GRM8: variants seen among roughly 807,000 people sequenced by gnomAD.
GRM8 encodes glutamate metabotropic receptor 8.
In GRM8, 47 loss-of-function variants were observed where a neutral mutation model predicts 87.2. The ratio of observed to expected loss-of-function variants is 0.54; its 90% CI spans 0.43 to 0.69. GRM8 has a LOEUF of 0.69. Ranked by LOEUF, GRM8 falls within the 30% of genes least tolerant of loss-of-function variation. The pLI is 0.00. For missense variants in GRM8, 1,019 were observed against 1,139.2 expected, an observed-to-expected ratio of 0.89 and a Z score of 1.52; for synonymous variants, 396 against 404.5, an observed-to-expected ratio of 0.98 and a Z score of 0.25.
At chr7:126,934,674 G>A (rs939285575) in intron 3 of GRM8, among the ~76,000 whole-genome samples, 3 of 152,122 alleles carry the variant, frequency 2.0e-5, no homozygotes, top group African/African-American at 7.2e-5. Context: ...ATCTAAAGGA[G>A]GTAGTCTTTT....
chr7:127,028,149 T>A (rs993898674), intron 3 of GRM8, among the ~76,000 whole-genome samples: 8 of 152,234 alleles, frequency 5.3e-5, no homozygotes, highest in African/African-American at 1.9e-4. Context: ...TTTTGAATGT[T>A]GAACCAGCCT....
intron 7 of GRM8, among the ~76,000 whole-genome samples, chr7:126,745,644 T>C (rs1815573258): frequency 6.6e-6 from 1 of 151,728 alleles, no homozygotes; most frequent in Admixed American, 6.6e-5. Flanking sequence ...GTGAATAGTT[T>C]GTCTTTTTCT....
chr7:126,725,339 T>G (rs945173921), intron 7 of GRM8, among the ~76,000 whole-genome samples: 3 of 152,198 alleles, frequency 2.0e-5, no homozygotes, highest in Non-Finnish European at 4.4e-5. Flanking sequence ...CAGATTGTGA[T>G]GCTCAAGACC....
intron 2 of GRM8, among the ~76,000 whole-genome samples, chr7:127,126,431 T>C (rs563841619): frequency 1.9e-4 from 29 of 151,976 alleles, no homozygotes; most frequent in African/African-American, 6.3e-4. Context: ...AAATAATGTG[T>C]ACACACAGAG....
intron 2 of GRM8, among the ~76,000 whole-genome samples, chr7:127,187,009 G>C (rs1019316413): frequency 6.6e-6 from 1 of 152,166 alleles, no homozygotes; most frequent in Non-Finnish European, 1.5e-5. Flanking sequence ...AGTCACCTGA[G>C]GTTGGCTTCC....
chr7:127,168,065 A>G (rs1793563067), intron 2 of GRM8, among the ~76,000 whole-genome samples: 1 of 152,218 alleles, frequency 6.6e-6, no homozygotes, highest in South Asian at 2.1e-4. Flanking sequence ...CATCAGAGTG[A>G]AAAGGCAACC....
chr7:127,006,022 C>T (rs549981512), intron 3 of GRM8, among the ~76,000 whole-genome samples: 367 of 151,956 alleles, frequency 2.4e-3, no homozygotes, highest in Non-Finnish European at 3.0e-3. Context: ...CAAAGCCTCC[C>T]TCAATACTCC....
chr7:127,238,306 ATGTGTGTGTG>A lies in GRM8; in HGVS notation c.510+4379_510+4388del, dbSNP rs3039798. ...TAGCTGATATACGATGTGTGTGTGC[ATGTGTGTGTG>A]TGTGTGTGTGTGTGTGTGTGTGTTA... is the stretch of plus-strand genomic sequence containing the variant. On this transcript the variant is annotated intron_variant, in intron 2 of 10. Coordinates refer to ENST00000339582, the MANE Select transcript of GRM8 (RefSeq NM_000845.3). 9.5e-3 allele frequency among the ~76,000 whole-genome samples: 1,393 copies of A among 146,856 alleles called. 18 individuals are homozygous for A. Among genetic ancestry groups the A allele is most frequent in the African/African-American group, 0.032 (1,291 of 40,098 alleles).
chr7:126,748,197 A>T (rs551523838), intron 7 of GRM8, among the ~76,000 whole-genome samples: 1 of 152,086 alleles, frequency 6.6e-6, no homozygotes, highest in Non-Finnish European at 1.5e-5. Context: ...AACATCAGGC[A>T]TATTGGAAAG....
intron 9 of GRM8, among the ~76,000 whole-genome samples, chr7:126,524,143 G>C (rs1466377668): frequency 6.6e-6 from 1 of 151,758 alleles, no homozygotes; most frequent in African/African-American, 2.4e-5. Context: ...TAACCACCAG[G>C]GTCTAATATA....
chr7:126,958,539 G>T (rs1276935014), intron 3 of GRM8, among the ~76,000 whole-genome samples: 2 of 152,202 alleles, frequency 1.3e-5, no homozygotes, highest in Non-Finnish European at 2.9e-5. Flanking sequence ...TGTGCGCAGT[G>T]GCTGGATCCA....
At chr7:126,578,689 G>T (rs1795325147) in intron 8 of GRM8, among the ~76,000 whole-genome samples, 1 of 152,080 alleles carries the variant, frequency 6.6e-6, no homozygotes. Context: ...TCTTTTATGT[G>T]CTTTAAAGAT....
At chr7:126,877,560 C>T (rs538913301) in intron 6 of GRM8, among the ~76,000 whole-genome samples, 1 of 151,916 alleles carries the variant, frequency 6.6e-6, no homozygotes, top group Non-Finnish European at 1.5e-5. Flanking sequence ...CTGGACTACT[C>T]AAATTTCTCA....
At chr7:127,056,523 G>C (rs1029877078) in intron 3 of GRM8, among the ~76,000 whole-genome samples, 16 of 152,108 alleles carry the variant, frequency 1.1e-4, no homozygotes, top group African/African-American at 3.9e-4. Context: ...TTGAACACTG[G>C]GCCCCACAGA....
Position 126,708,518 on chromosome 7 carries a change from T to C in GRM8, c.1357+61347A>G, listed in dbSNP as rs140462776. ...TGAAATGGATGAAGAAAATGTGATATGTATATATCTATATATATGATTCTA... is the reference window on the plus strand; with the variant it reads ...TGAAATGGATGAAGAAAATGTGATACGTATATATCTATATATATGATTCTA... On this transcript the variant is annotated intron_variant, in intron 7 of 10. Transcript: ENST00000339582. Among the ~76,000 whole-genome samples the C allele has an allele frequency of 8.1e-4, 122 of 150,876 alleles. 2 individuals carry two copies. The East Asian group carries it at 0.021, about 25-fold the overall frequency.
chr7:126,589,644 C>T (rs985232225), intron 8 of GRM8, among the ~76,000 whole-genome samples: 4 of 152,184 alleles, frequency 2.6e-5, no homozygotes, highest in Non-Finnish European at 5.9e-5. Flanking sequence ...TTGAAAGTGC[C>T]ACCTCCTGGC....
chr7:126,670,465 T>C (rs961889483), intron 7 of GRM8, among the ~76,000 whole-genome samples: 1 of 152,218 alleles, frequency 6.6e-6, no homozygotes, highest in African/African-American at 2.4e-5. Flanking sequence ...TTATGTTAAG[T>C]TATTGTAAAA....
intron 2 of GRM8, among the ~76,000 whole-genome samples, chr7:127,152,709 T>C (rs1178830685): frequency 2.0e-5 from 3 of 152,162 alleles, no homozygotes; most frequent in Non-Finnish European, 4.4e-5. Flanking sequence ...GTAGGTATTA[T>C]GATACAGAGA....
chr7:127,136,901 T>C (rs74727750), intron 2 of GRM8, among the ~76,000 whole-genome samples: 2,671 of 151,978 alleles, frequency 0.018, 81 homozygotes, highest in African/African-American at 0.061. Context: ...CCATCAGATA[T>C]AGGCAATTTC....
Sources: allele counts gnomAD v4.1 joint callset (sites outside exome capture counted in the v4.1 genomes callset), GRCh38; gene constraint gnomAD v4.1.1; transcripts MANE v1.5; gene names NCBI Gene and HGNC (gene_info 2026-07-23, HGNC 2026-07-21).